STAT3: variants seen among roughly 807,000 people sequenced by gnomAD.
STAT3 encodes signal transducer and activator of transcription 3.
In STAT3, 7 loss-of-function variants were observed where a neutral mutation model predicts 114.3. The ratio of observed to expected loss-of-function variants is 0.06; its 90% CI spans 0.03 to 0.11. STAT3 has a LOEUF of 0.11. STAT3 is among the 10% of genes least tolerant of loss of function. The probability of loss-of-function intolerance (pLI) is 1.00; values close to 1 mark genes in which losing one functional copy is unlikely to be tolerated. For synonymous variants in STAT3, 331 were observed against 354.5 expected, an observed-to-expected ratio of 0.93 and a Z score of 0.74; for missense variants, 364 against 960.9, an observed-to-expected ratio of 0.38 and a Z score of 8.21.
At chr17:42,357,111 C>T (rs528282047) in intron 1 of STAT3, among the ~76,000 whole-genome samples, 4 of 152,136 alleles carry the variant, frequency 2.6e-5, no homozygotes, top group East Asian at 1.9e-4. Flanking sequence ...TTATTTAAAG[C>T]GCATAAAAGA....
In STAT3 at chr17:42,314,412, A is replaced by G. The variant is rs75018295; in HGVS notation, c.*1333T>C. The G allele has an allele frequency of 2.8e-3, 637 of 230,594 alleles. 6 individuals carry two copies. The highest frequency in any genetic ancestry group is 0.013 in the African/African-American group (604 of 45,104). 14.3% of individuals were successfully genotyped at this position (230,594 alleles called of 1,614,324 possible). ...GTCCTGAGACCAGGATTCCTAAAAC[A>G]AACAGGATGAGGGACCTTTAGACAC... On this transcript the variant is annotated 3_prime_UTR_variant, in exon 24 of 24. Coordinates refer to ENST00000264657, the MANE Select transcript of STAT3 (RefSeq NM_139276.3).
chr17:42,341,436 C>T (rs1389372700), intron 4 of STAT3, among the ~76,000 whole-genome samples: 2 of 152,364 alleles, frequency 1.3e-5, no homozygotes, highest in East Asian at 1.9e-4. Context: ...AACTCACTCA[C>T]CTTCAAATTC....
At chr17:42,388,100 G>T in intron 1 of STAT3, 179 bp downstream of exon 1, 1 of 761,800 alleles carries the variant, frequency 1.3e-6, no homozygotes, top group Non-Finnish European at 1.8e-6. Flanking sequence ...TCCCTTCCGA[G>T]GCCCGCTCCT....
chr17:42,363,156 G>A (rs1376612395), intron 1 of STAT3, among the ~76,000 whole-genome samples: 1 of 152,190 alleles, frequency 6.6e-6, no homozygotes, highest in Non-Finnish European at 1.5e-5. Context: ...CAACTAAAGT[G>A]TGTAGCCAGG....
intron 10 of STAT3, among the ~76,000 whole-genome samples, chr17:42,332,267 C>T (rs887298693): frequency 8.0e-5 from 12 of 149,150 alleles, no homozygotes; most frequent in Non-Finnish European, 1.3e-4. Flanking sequence ...GGGCTGGGTG[C>T]GGTGACTCAC....
intron 1 of STAT3, among the ~76,000 whole-genome samples, chr17:42,365,496 A>G (rs980952879): frequency 2.0e-5 from 3 of 152,140 alleles, no homozygotes; most frequent in African/African-American, 7.2e-5. Context: ...TTAGGCCACT[A>G]AGTCTGAGCT....
chr17:42,322,277 A>G lies in STAT3; in HGVS notation c.2101+5T>C. ...TAAATGCCAGGAACATGGAAAATCA[A>G]CAACTACCTGGGTCAGCTTCAGGAT... On this transcript the variant is annotated splice_donor_5th_base_variant and intron_variant, in intron 21 of 23. Coordinates refer to ENST00000264657, the MANE Select transcript of STAT3 (RefSeq NM_139276.3). 1 of 1,614,226 alleles carries G rather than the reference A, an allele frequency of 6.2e-7. No individual in the cohort carries two copies. The highest frequency in any genetic ancestry group is 8.5e-7 in the Non-Finnish European group (1 of 1,180,040).
intron 23 of STAT3, chr17:42,316,175 G>A: frequency 1.3e-6 from 1 of 753,480 alleles, no homozygotes; most frequent in Non-Finnish European, 1.8e-6. Flanking sequence ...AAAGCCCACT[G>A]GATTTTAAAG....
chr17:42,366,912 G>A (rs1191763248), intron 1 of STAT3, among the ~76,000 whole-genome samples: 3 of 152,080 alleles, frequency 2.0e-5, no homozygotes, highest in Admixed American at 6.6e-5. Flanking sequence ...AGGCCAAGGC[G>A]AGCAGATAAA....
At chr17:42,360,866 C>A (rs1324419221) in intron 1 of STAT3, among the ~76,000 whole-genome samples, 1 of 152,044 alleles carries the variant, frequency 6.6e-6, no homozygotes, top group African/African-American at 2.4e-5. Flanking sequence ...CAGGGAGGGA[C>A]AACCAGGGTG....
At chr17:42,354,172 CTT>C (rs1212253278) in intron 1 of STAT3, among the ~76,000 whole-genome samples, 15 of 108,666 alleles carry the variant, frequency 1.4e-4, no homozygotes, top group Admixed American at 7.4e-4. Flanking sequence ...TAATTGTGTT[CTT>C]TTTTTTTTTT....
At chr17:42,320,644 T>G (rs1018995042) in intron 21 of STAT3, among the ~76,000 whole-genome samples, 1 of 150,142 alleles carries the variant, frequency 6.7e-6, no homozygotes, top group African/African-American at 2.5e-5. Context: ...GCAGGAGAAT[T>G]GCTTGAACCG....
chr17:42,315,163 T>A lies in STAT3; in HGVS notation c.*582A>T, dbSNP rs115090026. On this transcript the variant is annotated 3_prime_UTR_variant, in exon 24 of 24. Coordinates refer to ENST00000264657, the MANE Select transcript of STAT3 (RefSeq NM_139276.3). ...GAGCCACCATGCCCGGCTGCTTAAG[T>A]TTCTTAAATACAGAAAGGCTATGCT... The A allele has an allele frequency of 3.4e-3, 751 of 219,166 alleles. 8 individuals carry two copies. The highest frequency in any genetic ancestry group is 0.016 in the African/African-American group (720 of 44,210). 13.6% of individuals were successfully genotyped at this position (219,166 alleles called of 1,614,324 possible).
At chr17:42,370,066 G>T (rs1487519650) in intron 1 of STAT3, among the ~76,000 whole-genome samples, 1 of 151,886 alleles carries the variant, frequency 6.6e-6, no homozygotes, top group Admixed American at 6.6e-5. Flanking sequence ...CCACCTCCTG[G>T]TTCAAGCGAT....
At chr17:42,348,587 A>G in intron 1 of STAT3, 48 bp from the exon 2 acceptor site, 1 of 1,608,156 alleles carries the variant, frequency 6.2e-7, no homozygotes, top group Non-Finnish European at 8.5e-7. Flanking sequence ...CAGTAGGGGT[A>G]AACAATCTAG....
chr17:42,315,213 T>C lies in STAT3; in HGVS notation c.*532A>G, dbSNP rs1426540928. 4 of 249,956 alleles carry C rather than the reference T, an allele frequency of 1.6e-5. No individual in the cohort carries two copies. The highest frequency in any genetic ancestry group is 3.1e-5 in the Non-Finnish European group (4 of 127,566). The allele number at this position is 249,956 out of a possible 1,614,324, so 15.5% of individuals were successfully genotyped here. A position where few individuals can be genotyped will look rare whatever the true frequency, so the allele number is the denominator to read the frequency against. On this transcript the variant is annotated 3_prime_UTR_variant, in exon 24 of 24. Transcript: ENST00000264657. ...TGATACAGTGTTTTTTGCCCTTTAA[T>C]TGTTATTATTTCTTAATTTAAAAAG...
In STAT3 at chr17:42,347,243, C is replaced by G. The variant is rs574949812; in HGVS notation, c.129-530G>C. Reference sequence around the variant, plus strand: ...AACAATTATTCCAGATATTATTACCCACTCTCATAATCTGTTGTATTTGTA... The same window carrying G: ...AACAATTATTCCAGATATTATTACCGACTCTCATAATCTGTTGTATTTGTA... On this transcript the variant is annotated intron_variant, in intron 2 of 23. Coordinates refer to ENST00000264657, the MANE Select transcript of STAT3 (RefSeq NM_139276.3). Among the ~76,000 whole-genome samples the G allele has an allele frequency of 3.3e-5, 5 of 151,534 alleles. No homozygotes were observed. In the South Asian group the frequency reaches 1.0e-3, roughly 32 times the overall value.
chr17:42,349,921 T>C (rs1223572590), intron 1 of STAT3, among the ~76,000 whole-genome samples: 3 of 152,106 alleles, frequency 2.0e-5, no homozygotes, highest in African/African-American at 7.2e-5. Context: ...CCAGGCGTGG[T>C]GGCACATGCC....
rs1405109037 is a variant in STAT3 at position 42,316,045 on chromosome 17, A to C, written c.2258-245T>G. On this transcript the variant is annotated intron_variant, in intron 23 of 23. Coordinates refer to ENST00000264657, the MANE Select transcript of STAT3 (RefSeq NM_139276.3). ...AGAGCTCCATGTTTACAGAAGCTCTAAGGCTGTCCTGAGATCTTCTGCCCT... is the reference window on the plus strand; with the variant it reads ...AGAGCTCCATGTTTACAGAAGCTCTCAGGCTGTCCTGAGATCTTCTGCCCT... 2.1e-6 allele frequency: 3 copies of C among 1,414,794 alleles called. No homozygotes were observed. The African/African-American group carries it at 4.3e-5, about 20-fold the overall frequency. The allele number at this position is 1,414,794 out of a possible 1,614,324, so 87.6% of individuals were successfully genotyped here. A position where few individuals can be genotyped will look rare whatever the true frequency, so the allele number is the denominator to read the frequency against.
Sources: gnomAD v4.1 joint callset for allele counts (sites outside exome capture counted in the v4.1 genomes callset) on GRCh38, gnomAD v4.1.1 for gene constraint, MANE v1.5 for transcripts, NCBI Gene and HGNC (gene_info 2026-07-23, HGNC 2026-07-21) for gene names.